The following USP30 variants were observed in gnomAD, a reference collection of about 807,000 sequenced individuals.
The protein encoded by USP30 is ubiquitin specific peptidase 30, also known as ubiquitin carboxyl-terminal hydrolase 30.
Under a neutral mutation model 68.2 loss-of-function variants are expected in USP30, and 41 were observed. The ratio of observed to expected loss-of-function variants is 0.60; its 90% CI spans 0.47 to 0.78. The LOEUF is 0.78. USP30 is among the 30% of genes least tolerant of loss of function. The pLI, the probability that USP30 is intolerant of heterozygous loss-of-function variation, is 0.00. For synonymous variants in USP30, 229 were observed against 253.7 expected (o/e 0.90, Z 0.93); for missense variants, 522 against 649.4 (o/e 0.80, Z 2.13).
rs983181222 is a variant in USP30 at position 109,087,698 on chromosome 12, A to T, written c.*1767A>T. On this transcript the variant is annotated 3_prime_UTR_variant, in exon 13 of 13. Transcript: ENST00000257548. Reference sequence around the variant, plus strand: ...ATCTACCATCAAAGAAAGATAGAGAAAAGGGGCTGAGCCTTGGAATATATG... The same window carrying T: ...ATCTACCATCAAAGAAAGATAGAGATAAGGGGCTGAGCCTTGGAATATATG... 4 of 152,288 alleles carry T rather than the reference A, an allele frequency of 2.6e-5. No individual in the cohort carries two copies. The highest frequency in any genetic ancestry group is 9.6e-5 in the African/African-American group (4 of 41,462). 9.4% of individuals were successfully genotyped at this position (152,288 alleles called of 1,614,324 possible).
intron 3 of USP30, among the ~76,000 whole-genome samples, chr12:109,032,486 T>C (rs1173759108): frequency 6.6e-6 from 1 of 152,214 alleles, no homozygotes; most frequent in Non-Finnish European, 1.5e-5. Flanking sequence ...GTACTGATTA[T>C]GGTGTAATAT....
intron 3 of USP30, chr12:109,060,001 C>T (rs1016745902): frequency 6.6e-6 from 1 of 152,154 alleles, no homozygotes; most frequent in Admixed American, 6.5e-5. Context: ...GCCATACTAC[C>T]CTGAACTTAC....
chr12:109,025,335 T>C (rs1393123627), intron 2 of USP30, among the ~76,000 whole-genome samples: 2 of 151,924 alleles, frequency 1.3e-5, no homozygotes, highest in Admixed American at 6.6e-5. Context: ...TTTATATCTA[T>C]GTAATATATT....
At chr12:109,038,883 T>C (rs541856624) in intron 3 of USP30, among the ~76,000 whole-genome samples, 3 of 152,344 alleles carry the variant, frequency 2.0e-5, no homozygotes, top group African/African-American at 7.2e-5. Context: ...CATCTTTTCA[T>C]GTGCCTACTG....
At position 109,052,634 on chromosome 12, in the gene USP30, C is replaced by CGGT; in HGVS notation, c.-43_-42insTGG. 2 of 1,450,894 alleles carry CGGT rather than the reference C, an allele frequency of 1.4e-6. No homozygotes were observed. The highest frequency in any genetic ancestry group is 2.7e-5 in the Admixed American group (1 of 37,336). 89.9% of individuals were successfully genotyped at this position (1,450,894 alleles called of 1,614,324 possible). A position where few individuals can be genotyped will look rare whatever the true frequency, so the allele number is the denominator to read the frequency against. On this transcript the variant is annotated 5_prime_UTR_variant, in exon 1 of 13. Coordinates refer to ENST00000257548, the MANE Select transcript of USP30 (RefSeq NM_032663.5). ...GTATCCCTCGGTCCGGCGGCGGCGG[C>CGGT]GGCGGTAGCGGAGGAGACGGTTTCA...
chr12:109,054,159 C>G (rs1268242145), intron 1 of USP30: 2 of 423,332 alleles, frequency 4.7e-6, no homozygotes, highest in East Asian at 7.2e-5. Flanking sequence ...CCTTTATAAT[C>G]TTTCCAGGCA....
intron 3 of USP30, among the ~76,000 whole-genome samples, chr12:109,065,649 G>C (rs2041225489): frequency 6.6e-6 from 1 of 152,198 alleles, no homozygotes; most frequent in Admixed American, 6.5e-5. Flanking sequence ...CTCTTAGGGG[G>C]TTGCCTACCA....
Position 109,060,632 on chromosome 12 carries a change from G to A in USP30, c.376+2524G>A, listed in dbSNP as rs143081358. On this transcript the variant is annotated intron_variant, in intron 3 of 12. Coordinates refer to ENST00000257548, the MANE Select transcript of USP30 (RefSeq NM_032663.5). Reference sequence around the variant, plus strand: ...AGCAAATCTGACTGATTTTAAATGCGAAAATAGAAAAACTGTTCTTGGAGT... The same window carrying A: ...AGCAAATCTGACTGATTTTAAATGCAAAAATAGAAAAACTGTTCTTGGAGT... 4.1e-3 allele frequency among the ~76,000 whole-genome samples: 627 copies of A among 152,160 alleles called. 4 individuals carry two copies. The highest frequency in any genetic ancestry group is 0.014 in the African/African-American group (587 of 41,528).
chr12:109,028,439 AGGT>A (rs1291531179), intron 3 of USP30, among the ~76,000 whole-genome samples: 2 of 149,838 alleles, frequency 1.3e-5, no homozygotes, highest in African/African-American at 2.5e-5. Flanking sequence ...GAGAGAGGGG[AGGT>A]GCCACACCCT....
rs1346371916 is a variant in USP30, at chr12:109,086,290, T to G, written c.*359T>G. 5.5e-6 allele frequency: 1 copy of G among 182,584 alleles called. No homozygotes were observed. Among genetic ancestry groups the G allele is most frequent in the Non-Finnish European group, 1.1e-5 (1 of 88,234 alleles). The allele number at this position is 182,584 out of a possible 1,614,324, so 11.3% of individuals were successfully genotyped here. On this transcript the variant is annotated 3_prime_UTR_variant, in exon 13 of 13. Coordinates refer to ENST00000257548, the MANE Select transcript of USP30 (RefSeq NM_032663.5). ...GAGGTACCTTTGTCTAATCAACGTT[T>G]CCACTTAGATCTTTTATTTTTAATA...
intron 3 of USP30, among the ~76,000 whole-genome samples, chr12:109,066,798 G>A (rs2041268767): frequency 6.6e-6 from 1 of 152,184 alleles, no homozygotes; most frequent in South Asian, 2.1e-4. Context: ...CAAAGGCCTT[G>A]GGAAACAGCC....
At chr12:109,066,536 T>C (rs1436418909) in intron 3 of USP30, among the ~76,000 whole-genome samples, 1 of 151,924 alleles carries the variant, frequency 6.6e-6, no homozygotes, top group African/African-American at 2.4e-5. Context: ...ATACAAAAAT[T>C]AGTCGGGCAT....
chr12:109,056,004 T>C (rs952095369), intron 1 of USP30, among the ~76,000 whole-genome samples: 1 of 152,042 alleles, frequency 6.6e-6, no homozygotes, highest in Non-Finnish European at 1.5e-5. Flanking sequence ...AGCAGTGATC[T>C]GGGGGAAGAG....
At chr12:109,067,803 C>T (rs191424833) in intron 4 of USP30, among the ~76,000 whole-genome samples, 176 bp downstream of exon 4, 1 of 152,258 alleles carries the variant, frequency 6.6e-6, no homozygotes, top group Admixed American at 6.5e-5. Context: ...AGGGGAGATA[C>T]AGCTGTTTTT....
At chr12:109,077,828 G>C (rs113399484) in intron 7 of USP30, among the ~76,000 whole-genome samples, 4 of 151,852 alleles carry the variant, frequency 2.6e-5, no homozygotes, top group African/African-American at 9.7e-5. Context: ...TTTGTGTTGG[G>C]GGGGGAGGGT....
intron 3 of USP30, among the ~76,000 whole-genome samples, chr12:109,060,691 G>A (rs141158940): frequency 1.2e-3 from 178 of 152,130 alleles, no homozygotes; most frequent in African/African-American, 4.1e-3. Context: ...GTCTCGTCTT[G>A]TCACTCAGGC....
chr12:109,033,121 A>AAAAATTC (rs2040494477), intron 3 of USP30, among the ~76,000 whole-genome samples: 1 of 151,538 alleles, frequency 6.6e-6, no homozygotes, highest in Non-Finnish European at 1.5e-5. Flanking sequence ...ACTTAAATTC[A>AAAAATTC]AAAAATGGAT....
At chr12:109,074,707 G>C (rs866075032) in intron 7 of USP30, among the ~76,000 whole-genome samples, 1 of 151,376 alleles carries the variant, frequency 6.6e-6, no homozygotes, top group Non-Finnish European at 1.5e-5. Flanking sequence ...ATGTATGACT[G>C]TGTGTGTGTG....
chr12:109,063,650 T>C (rs1425832506), intron 3 of USP30, among the ~76,000 whole-genome samples: 1 of 152,226 alleles, frequency 6.6e-6, no homozygotes, highest in African/African-American at 2.4e-5. Context: ...TGCACGATTT[T>C]ATAATTCCAC....
Sources: gnomAD v4.1 joint callset for allele counts (sites outside exome capture counted in the v4.1 genomes callset) on GRCh38, gnomAD v4.1.1 for gene constraint, MANE v1.5 for transcripts, NCBI Gene and HGNC (gene_info 2026-07-23, HGNC 2026-07-21) for gene names.